The following OTUD7A variants were observed in gnomAD, a reference collection of about 807,000 sequenced individuals.
The protein encoded by OTUD7A is OTU deubiquitinase 7A.
A neutral mutation model predicts 65.7 loss-of-function variants in OTUD7A; 12 were observed. The observed-to-expected ratio is 0.18, with a 90% CI of 0.12 to 0.30. The LOEUF is 0.30. OTUD7A is among the 10% of genes least tolerant of loss of function. OTUD7A has a pLI of 1.00. For synonymous variants in OTUD7A, 641 were observed against 586.3 expected (o/e 1.09, Z -1.35); for missense variants, 1,148 against 1,304.8 (o/e 0.88, Z 1.85).
At chr15:31,638,605 C>T (rs544203974) in intron 3 of OTUD7A, among the ~76,000 whole-genome samples, 25 of 151,578 alleles carry the variant, frequency 1.6e-4, no homozygotes, top group Non-Finnish European at 3.1e-4. Context: ...CCATGCTGCC[C>T]AAGCTGGTCT....
chr15:31,870,398 G>C (rs1897996749), intron 1 of OTUD7A, 109 bp downstream of exon 1: 1 of 146,200 alleles, frequency 6.8e-6, no homozygotes, highest in Admixed American at 6.8e-5. Context: ...CCTCGCCACG[G>C]AGCTCGGGAA....
At chr15:31,770,830 G>A (rs944514035) in intron 1 of OTUD7A, among the ~76,000 whole-genome samples, 1 of 152,126 alleles carries the variant, frequency 6.6e-6, no homozygotes, top group East Asian at 1.9e-4. Context: ...GAACATACAG[G>A]AAAGCCTTTG....
intron 1 of OTUD7A, chr15:31,787,432 C>T (rs1895703715): frequency 6.6e-6 from 1 of 152,156 alleles, no homozygotes; most frequent in African/African-American, 2.4e-5. Flanking sequence ...TCCTACTCTC[C>T]ATCAAAGAGT....
intron 1 of OTUD7A, among the ~76,000 whole-genome samples, chr15:31,821,422 G>A (rs2140972968): frequency 6.6e-6 from 1 of 151,674 alleles, no homozygotes; most frequent in South Asian, 2.1e-4. Flanking sequence ...GAGATTACAG[G>A]CGTGAGCCAC....
At chr15:31,565,989 G>A (rs1386099858) in intron 4 of OTUD7A, among the ~76,000 whole-genome samples, 7 of 152,222 alleles carry the variant, frequency 4.6e-5, no homozygotes, top group South Asian at 2.1e-4. Context: ...TCAGGAGATC[G>A]AGACCATCCT....
intron 5 of OTUD7A, among the ~76,000 whole-genome samples, chr15:31,534,478 C>T (rs1166056945): frequency 6.6e-6 from 1 of 152,202 alleles, no homozygotes; most frequent in Non-Finnish European, 1.5e-5. Context: ...TGCTTTACCT[C>T]TAAGACTAGG....
rs115143546 is a variant in OTUD7A, at chr15:31,580,696, A to G, written c.152-10499T>C. Among the ~76,000 whole-genome samples the G allele has an allele frequency of 3.8e-3, 585 of 152,314 alleles. 4 individuals carry two copies. The highest frequency in any genetic ancestry group is 0.013 in the African/African-American group (557 of 41,562). On this transcript the variant is annotated intron_variant, in intron 3 of 12. Coordinates refer to ENST00000307050, the MANE Select transcript of OTUD7A (RefSeq NM_001382637.1). Reference sequence around the variant, plus strand: ...CAAGAGCTTGTGCAGGAGAACTCACATTTATATAACCATCAGATCTTGTGA... The same window carrying G: ...CAAGAGCTTGTGCAGGAGAACTCACGTTTATATAACCATCAGATCTTGTGA...
At chr15:31,736,489 A>G (rs560083943) in intron 1 of OTUD7A, among the ~76,000 whole-genome samples, 6 of 152,350 alleles carry the variant, frequency 3.9e-5, no homozygotes, top group African/African-American at 1.2e-4. Flanking sequence ...TAAGCTCTTC[A>G]GATATATTAA....
At chr15:31,800,738 A>C (rs1356666297) in intron 1 of OTUD7A, among the ~76,000 whole-genome samples, 9 of 152,182 alleles carry the variant, frequency 5.9e-5, no homozygotes, top group Non-Finnish European at 1.3e-4. Flanking sequence ...TACTGCACCT[A>C]GTTCACAGTG....
intron 3 of OTUD7A, among the ~76,000 whole-genome samples, chr15:31,575,123 A>C (rs1440313019): frequency 1.3e-5 from 2 of 152,200 alleles, no homozygotes; most frequent in Non-Finnish European, 2.9e-5. Flanking sequence ...ATGAAGTTAA[A>C]TTATAAGGGA....
intron 5 of OTUD7A, 156 bp downstream of exon 5, chr15:31,558,813 C>T (rs575235280): frequency 6.1e-5 from 48 of 782,188 alleles, no homozygotes; most frequent in Non-Finnish European, 5.8e-5. Context: ...ACTGTCGGCC[C>T]GTAGAGCAGG....
At chr15:31,485,586 G>C (rs2041225757) in intron 12 of OTUD7A, among the ~76,000 whole-genome samples, 1 of 152,170 alleles carries the variant, frequency 6.6e-6, no homozygotes, top group Non-Finnish European at 1.5e-5. Flanking sequence ...TGAGAAAAGA[G>C]GTGGGAGAGC....
intron 1 of OTUD7A, among the ~76,000 whole-genome samples, chr15:31,765,212 T>C (rs1595754198): frequency 1.3e-5 from 2 of 152,024 alleles, no homozygotes; most frequent in African/African-American, 4.8e-5. Flanking sequence ...ATAAAATATA[T>C]ACATATTTTA....
intron 1 of OTUD7A, among the ~76,000 whole-genome samples, chr15:31,814,485 T>C (rs1274634976): frequency 6.6e-6 from 1 of 152,196 alleles, no homozygotes; most frequent in Non-Finnish European, 1.5e-5. Flanking sequence ...AACAAGAGCC[T>C]TAACATTTAA....
chr15:31,803,065 C>G (rs1295443402), intron 1 of OTUD7A, among the ~76,000 whole-genome samples: 1 of 152,208 alleles, frequency 6.6e-6, no homozygotes, highest in Non-Finnish European at 1.5e-5. Flanking sequence ...GGTAAGACTT[C>G]ACTTGAGCAG....
intron 9 of OTUD7A, among the ~76,000 whole-genome samples, chr15:31,502,964 G>T (rs1471745560): frequency 2.6e-5 from 4 of 152,234 alleles, no homozygotes; most frequent in African/African-American, 9.6e-5. Context: ...GAAGACCTAT[G>T]ACTTTTGTTA....
intron 3 of OTUD7A, among the ~76,000 whole-genome samples, chr15:31,632,164 T>C (rs1891185862): frequency 6.6e-6 from 1 of 152,218 alleles, no homozygotes. Flanking sequence ...GGAGAGGTGC[T>C]CTGCTTTTTA....
At chr15:31,621,073 G>A (rs960487206) in intron 3 of OTUD7A, among the ~76,000 whole-genome samples, 8 of 150,372 alleles carry the variant, frequency 5.3e-5, no homozygotes, top group South Asian at 2.1e-4. Context: ...GTAGTTGAGC[G>A]GTTTTGAGAG....
chr15:31,726,345 A>ACG lies in OTUD7A; in HGVS notation c.-99-69270_-99-69269dup, dbSNP rs749161691. On this transcript the variant is annotated intron_variant, in intron 1 of 12. Transcript: ENST00000307050. ...TCTCTCGAATTACACACACACACAC[A>ACG]CGCACACACACACACACACACACTT... Among the ~76,000 whole-genome samples the ACG allele has an allele frequency of 4.7e-3, 171 of 36,702 alleles. 1 individual carries two copies. Among genetic ancestry groups the ACG allele is most frequent in the Non-Finnish European group, 8.9e-3 (125 of 14,076 alleles). 24.1% of individuals were successfully genotyped at this position (36,702 alleles called of 152,430 possible).
Sources: allele counts gnomAD v4.1 joint callset (sites outside exome capture counted in the v4.1 genomes callset), GRCh38; gene constraint gnomAD v4.1.1; transcripts MANE v1.5; gene names NCBI Gene and HGNC (gene_info 2026-07-23, HGNC 2026-07-21).